SEPTIN7: variants seen among roughly 807,000 people sequenced by gnomAD.
SEPTIN7 encodes the protein septin 7, also known as septin-7.
A neutral mutation model predicts 63.3 loss-of-function variants in SEPTIN7; 10 were observed. The observed-to-expected ratio is 0.16, with a 90% CI of 0.10 to 0.27. The LOEUF is 0.27. Ranked by LOEUF, SEPTIN7 falls within the 10% of genes least tolerant of loss-of-function variation. The probability of loss-of-function intolerance (pLI) is 1.00; values close to 1 mark genes in which losing one functional copy is unlikely to be tolerated. For missense variants in SEPTIN7, 310 were observed against 521.0 expected, an observed-to-expected ratio of 0.59 and a Z score of 3.94; for synonymous variants, 131 against 165.3, an observed-to-expected ratio of 0.79 and a Z score of 1.59.
At chr7:35,891,902 T>C (rs751533616) in intron 11 of SEPTIN7, among the ~76,000 whole-genome samples, 3 of 152,208 alleles carry the variant, frequency 2.0e-5, no homozygotes, top group Non-Finnish European at 1.5e-5. Context: ...AGCTTTTTTC[T>C]ATTTTAAAAG....
Position 35,858,401 on chromosome 7 carries a change from G to T in SEPTIN7, c.170-5151G>T, listed in dbSNP as rs143962160. On this transcript the variant is annotated intron_variant, in intron 3 of 13. Coordinates refer to ENST00000350320, the MANE Select transcript of SEPTIN7 (RefSeq NM_001788.6). ...AGACAGAGTCTAGCTCTGTCGCCAG[G>T]CTGGCGTGCAGTAGTGCGATCTTGG... Among the ~76,000 whole-genome samples the T allele has an allele frequency of 4.6e-5, 7 of 152,214 alleles. No homozygotes were observed. In the South Asian group the frequency reaches 8.3e-4, roughly 18 times the overall value.
chr7:35,858,634 A>G (rs916878029), intron 3 of SEPTIN7, among the ~76,000 whole-genome samples: 5 of 150,544 alleles, frequency 3.3e-5, no homozygotes, highest in African/African-American at 9.8e-5. Context: ...GATTACAGGC[A>G]TGAGCCACCG....
chr7:35,864,559 A>G (rs1785697283), intron 4 of SEPTIN7, among the ~76,000 whole-genome samples: 1 of 152,196 alleles, frequency 6.6e-6, no homozygotes, highest in African/African-American at 2.4e-5. Context: ...GGAAAAAAAA[A>G]TCTCAATAAT....
At chr7:35,813,001 T>A (rs1426329584) in intron 1 of SEPTIN7, among the ~76,000 whole-genome samples, 1 of 152,222 alleles carries the variant, frequency 6.6e-6, no homozygotes, top group East Asian at 1.9e-4. Context: ...ATAACTTTTC[T>A]GCAAGATATA....
chr7:35,901,482 A>T (rs1788318186), intron 12 of SEPTIN7: 1 of 152,164 alleles, frequency 6.6e-6, no homozygotes, highest in Non-Finnish European at 1.5e-5. Context: ...GTATTTTATA[A>T]ATATAGTGTA....
chr7:35,813,839 C>T (rs1788886573), intron 1 of SEPTIN7, among the ~76,000 whole-genome samples: 1 of 152,106 alleles, frequency 6.6e-6, no homozygotes, highest in African/African-American at 2.4e-5. Context: ...GATAGTGTAT[C>T]AGTGCTTTTG....
intron 3 of SEPTIN7, among the ~76,000 whole-genome samples, chr7:35,854,623 G>A (rs756325529): frequency 1.3e-4 from 20 of 152,170 alleles, no homozygotes; most frequent in Non-Finnish European, 2.4e-4. Flanking sequence ...CCTGATGCCT[G>A]CCTCTCATTT....
intron 3 of SEPTIN7, among the ~76,000 whole-genome samples, chr7:35,835,769 C>A (rs1218935942): frequency 1.3e-5 from 2 of 152,146 alleles, no homozygotes; most frequent in Non-Finnish European, 2.9e-5. Context: ...GGGAGAGGTG[C>A]ATTTGCTATT....
At chr7:35,888,400 A>C (rs1021865347) in intron 10 of SEPTIN7, among the ~76,000 whole-genome samples, 4 of 152,254 alleles carry the variant, frequency 2.6e-5, no homozygotes, top group African/African-American at 9.6e-5. Flanking sequence ...TAACAAAAAT[A>C]ACTTAACAAT....
chr7:35,840,801 A>C (rs1231375823), intron 3 of SEPTIN7, among the ~76,000 whole-genome samples: 1 of 152,214 alleles, frequency 6.6e-6, no homozygotes, highest in Non-Finnish European at 1.5e-5. Context: ...CTATACCATG[A>C]ATCATAATGT....
In SEPTIN7 at chr7:35,890,719, C is replaced by G. The variant is rs1234497394; in HGVS notation, c.924C>G (p.Asn308Lys). 2 of 1,599,676 alleles carry G rather than the reference C, an allele frequency of 1.3e-6. No homozygotes were observed. The highest frequency in any genetic ancestry group is 1.3e-5 in the African/African-American group (1 of 74,202). The change falls in exon 11 of 14, where the codon AAC becomes AAG. Residue 308 changes from asparagine (N) to lysine (K), a missense_variant. By Grantham distance (94) the Asn-to-Lys change is moderately conservative. Transcript: ENST00000350320. The part of the protein sequence containing the change: ...KDVTNNVHYE[N>K]YRSRKLAAVT... ...TTACTAATAATGTCCACTATGAGAACTACAGAAGCAGAAAACTTGCAGCTG... is the reference window on the plus strand; with the variant it reads ...TTACTAATAATGTCCACTATGAGAAGTACAGAAGCAGAAAACTTGCAGCTG...
chr7:35,915,172 C>T, the SEPTIN7 span, among the ~76,000 whole-genome samples: 6 of 151,960 alleles, frequency 3.9e-5, no homozygotes, highest in Admixed American at 2.6e-4. Flanking sequence ...TATATATACA[C>T]ACATATACAT....
intron 3 of SEPTIN7, among the ~76,000 whole-genome samples, chr7:35,837,654 A>G (rs1784144601): frequency 6.6e-6 from 1 of 152,208 alleles, no homozygotes; most frequent in South Asian, 2.1e-4. Context: ...TTTCCTGAAT[A>G]CTGCCAACAT....
At chr7:35,904,083 A>C (rs1788482827) in intron 13 of SEPTIN7, among the ~76,000 whole-genome samples, 171 bp from the exon 14 acceptor site, 1 of 152,190 alleles carries the variant, frequency 6.6e-6, no homozygotes, top group Non-Finnish European at 1.5e-5. Flanking sequence ...ATGCTATTAT[A>C]GATTAACATT....
chr7:35,845,924 AT>A (rs991031597), intron 3 of SEPTIN7, among the ~76,000 whole-genome samples: 42 of 151,362 alleles, frequency 2.8e-4, no homozygotes, highest in African/African-American at 9.9e-4. Flanking sequence ...TGAATTATAT[AT>A]TTGTTTGAAA....
At chr7:35,875,198 T>C (rs1786397602) in intron 6 of SEPTIN7, among the ~76,000 whole-genome samples, 1 of 152,192 alleles carries the variant, frequency 6.6e-6, no homozygotes, top group African/African-American at 2.4e-5. Context: ...ATTCAAATGA[T>C]ATGTAGTGGC....
At chr7:35,891,054 C>G (rs1195873524) in intron 11 of SEPTIN7, among the ~76,000 whole-genome samples, 2 of 152,172 alleles carry the variant, frequency 1.3e-5, no homozygotes, top group East Asian at 3.8e-4. Flanking sequence ...TGAATTTGTT[C>G]TTGGTTACCT....
chr7:35,890,887 AG>A (rs1156908042), intron 11 of SEPTIN7, 94 bp downstream of exon 11: 4 of 1,127,948 alleles, frequency 3.5e-6, no homozygotes, highest in Non-Finnish European at 4.6e-6. Context: ...GCTACTCAGT[AG>A]AAAATTTGGA....
chr7:35,893,622 G>A (rs1299519962), intron 11 of SEPTIN7, among the ~76,000 whole-genome samples: 1 of 152,156 alleles, frequency 6.6e-6, no homozygotes, highest in Admixed American at 6.5e-5. Flanking sequence ...GTTAAGCAGT[G>A]CATGACTGTG....
Sources: gnomAD v4.1 joint callset for allele counts (sites outside exome capture counted in the v4.1 genomes callset) on GRCh38, gnomAD v4.1.1 for gene constraint, MANE v1.5 for transcripts, NCBI Gene and HGNC (gene_info 2026-07-23, HGNC 2026-07-21) for gene names.